The following KHDC1 variants were observed in gnomAD, a reference collection of about 807,000 sequenced individuals.
KHDC1 encodes the protein KH homology domain-containing protein 1.
KHDC1 carries 21 observed loss-of-function variants against 24.7 expected under a neutral mutation model. The ratio of observed to expected loss-of-function variants is 0.85; its 90% CI spans 0.60 to 1.23. The LOEUF (loss-of-function observed/expected upper bound fraction) is 1.23. Ranked by LOEUF, KHDC1 falls within the 50% of genes most tolerant of loss-of-function variation. KHDC1 has a pLI of 0.00. For synonymous variants in KHDC1, 98 were observed against 111.7 expected (o/e 0.88, Z 0.77); for missense variants, 274 against 298.5 (o/e 0.92, Z 0.61).
chr6:73,266,894 T>G (rs1057208427), intron 2 of KHDC1, among the ~76,000 whole-genome samples: 4 of 152,144 alleles, frequency 2.6e-5, no homozygotes, highest in African/African-American at 9.7e-5. Flanking sequence ...ACAACCCAAT[T>G]GAAACATAAA....
chr6:73,287,499 T>C (rs1428773468), intron 2 of KHDC1, among the ~76,000 whole-genome samples: 1 of 152,128 alleles, frequency 6.6e-6, no homozygotes, highest in Non-Finnish European at 1.5e-5. Flanking sequence ...AGTCTCATGC[T>C]CCCTTGCCCA....
intron 2 of KHDC1, among the ~76,000 whole-genome samples, chr6:73,273,083 T>C (rs1186674983): frequency 6.6e-6 from 1 of 151,232 alleles, no homozygotes; most frequent in Non-Finnish European, 1.5e-5. Context: ...GGTGGCGAAC[T>C]CTTGACCTCA....
At chr6:73,270,187 T>G (rs1767155120) in intron 2 of KHDC1, 1 of 152,232 alleles carries the variant, frequency 6.6e-6, no homozygotes. Context: ...TATTAAATAT[T>G]AAATTTCTAT....
chr6:73,290,511 A>C, intron 2 of KHDC1: 2 of 398,696 alleles, frequency 5.0e-6, no homozygotes. Context: ...TCTATATCAT[A>C]ATCTTTTTTT....
chr6:73,242,819 C>G (rs1195919419), intron 2 of KHDC1, among the ~76,000 whole-genome samples: 1 of 152,038 alleles, frequency 6.6e-6, no homozygotes, highest in African/African-American at 2.4e-5. Flanking sequence ...GATTTTGGAG[C>G]AGATCTACTG....
At chr6:73,287,877 A>G (rs1431739962) in intron 2 of KHDC1, among the ~76,000 whole-genome samples, 4 of 152,176 alleles carry the variant, frequency 2.6e-5, no homozygotes, top group African/African-American at 9.7e-5. Flanking sequence ...CAGCTTCCAA[A>G]TGTATACTTG....
chr6:73,265,120 A>G (rs1767056878), intron 2 of KHDC1, among the ~76,000 whole-genome samples: 1 of 152,204 alleles, frequency 6.6e-6, no homozygotes, highest in African/African-American at 2.4e-5. Flanking sequence ...AGTGAGTGTT[A>G]GAGTTTGTCT....
intron 2 of KHDC1, among the ~76,000 whole-genome samples, chr6:73,262,022 T>C (rs1010636949): frequency 6.6e-6 from 1 of 150,948 alleles, no homozygotes; most frequent in Non-Finnish European, 1.5e-5. Flanking sequence ...GGAGCTGCAG[T>C]GAGCCATGAT....
chr6:73,302,487 C>T (rs1767895074), intron 1 of KHDC1, among the ~76,000 whole-genome samples: 1 of 152,082 alleles, frequency 6.6e-6, no homozygotes, highest in Non-Finnish European at 1.5e-5. Flanking sequence ...GCTTATTACC[C>T]CTAGGCTACA....
intron 2 of KHDC1, among the ~76,000 whole-genome samples, chr6:73,253,756 A>C (rs1358690964): frequency 6.6e-6 from 1 of 151,792 alleles, no homozygotes; most frequent in African/African-American, 2.4e-5. Flanking sequence ...ACAATTAAAA[A>C]ATTGGCCAGG....
At chr6:73,292,264 A>C in intron 1 of KHDC1, 1 of 1,333,166 alleles carries the variant, frequency 7.5e-7, no homozygotes, top group Non-Finnish European at 1.1e-6. Context: ...CAGAAACGAC[A>C]AGGCAAATGC....
At chr6:73,241,483 A>G (rs772596344) in exon 5 of KHDC1, 2 of 1,584,614 alleles carry the variant, frequency 1.3e-6, no homozygotes, top group Admixed American at 3.3e-5. Context: ...AGTGAAGCCA[A>G]GATTTCTCCT....
At chr6:73,289,681 G>T (rs1479968922) in intron 2 of KHDC1, among the ~76,000 whole-genome samples, 1 of 151,890 alleles carries the variant, frequency 6.6e-6, no homozygotes, top group Non-Finnish European at 1.5e-5. Flanking sequence ...AAAAAAAACG[G>T]CCAGGCACTG....
chr6:73,258,890 G>A (rs181299714), intron 2 of KHDC1, among the ~76,000 whole-genome samples: 2 of 152,340 alleles, frequency 1.3e-5, no homozygotes, highest in Admixed American at 1.3e-4. Flanking sequence ...CCAGCAGATG[G>A]AGACTGTCTG....
chr6:73,274,129 G>C (rs1767234784), intron 2 of KHDC1: 1 of 151,998 alleles, frequency 6.6e-6, no homozygotes, highest in Non-Finnish European at 1.5e-5. Context: ...GACAATAATA[G>C]CCACTACATG....
At chr6:73,248,651 C>T (rs115025926) in intron 2 of KHDC1, among the ~76,000 whole-genome samples, 1,904 of 152,242 alleles carry the variant, frequency 0.013, 37 homozygotes, top group African/African-American at 0.043. Context: ...GTCAGTGAGG[C>T]GAAGCATCAG....
At chr6:73,289,908 G>A (rs1213803780) in intron 2 of KHDC1, among the ~76,000 whole-genome samples, 2 of 151,752 alleles carry the variant, frequency 1.3e-5, no homozygotes, top group Admixed American at 1.3e-4. Context: ...AGACCATCCT[G>A]GCTAACAAGG....
chr6:73,286,321 T>A (rs1767523302), intron 2 of KHDC1, among the ~76,000 whole-genome samples: 1 of 152,212 alleles, frequency 6.6e-6, no homozygotes, highest in Non-Finnish European at 1.5e-5. Context: ...TAGATACTAA[T>A]CACATTAATT....
rs1766826234 is a variant in KHDC1, at chr6:73,253,790, C to CCAG, written c.207-11263_207-11261dup. Among the ~76,000 whole-genome samples, 5 of 151,942 alleles carry CCAG rather than the reference C, an allele frequency of 3.3e-5. No homozygotes were observed. In the South Asian group the frequency reaches 1.0e-3, roughly 32 times the overall value. ...GGCATAGTGGTCCATGCCTGTAGTC[C>CCAG]CAGCTGCTCAGGAGACTGAGGTGGG... is the stretch of plus-strand genomic sequence containing the variant. On this transcript the variant is annotated intron_variant, in intron 2 of 4. Coordinates refer to ENST00000370384, the Ensembl canonical transcript of KHDC1.
Sources: allele counts gnomAD v4.1 joint callset (sites outside exome capture counted in the v4.1 genomes callset), GRCh38; gene constraint gnomAD v4.1.1; transcripts MANE v1.5; gene names NCBI Gene and HGNC (gene_info 2026-07-23, HGNC 2026-07-21).